The following RNGTT variants were observed in gnomAD, a reference collection of about 807,000 sequenced individuals.
RNGTT encodes the protein RNA guanylyltransferase and 5'-phosphatase.
A neutral mutation model predicts 79.3 loss-of-function variants in RNGTT; 33 were observed. That is an observed-to-expected ratio of 0.42 (90% confidence interval 0.32 to 0.56). The LOEUF (loss-of-function observed/expected upper bound fraction) is 0.56. Among genes scored for constraint, RNGTT ranks in the 20% least tolerant of loss-of-function variants. The pLI is 0.17. For missense variants in RNGTT, 497 were observed against 739.1 expected, an observed-to-expected ratio of 0.67 and a Z score of 3.80; for synonymous variants, 222 against 235.9, an observed-to-expected ratio of 0.94 and a Z score of 0.54.
intron 14 of RNGTT, among the ~76,000 whole-genome samples, chr6:88,660,371 A>T (rs536406520): frequency 6.6e-6 from 1 of 152,312 alleles, no homozygotes; most frequent in South Asian, 2.1e-4. Context: ...CAGAATGGAT[A>T]AAAATCCACC....
intron 13 of RNGTT, among the ~76,000 whole-genome samples, chr6:88,688,296 G>A (rs1775351822): frequency 6.6e-6 from 1 of 152,206 alleles, no homozygotes; most frequent in Non-Finnish European, 1.5e-5. Context: ...ACATTTTGAT[G>A]TTGGATAAGG....
chr6:88,641,014 T>A (rs1773293745), intron 14 of RNGTT, among the ~76,000 whole-genome samples: 1 of 152,128 alleles, frequency 6.6e-6, no homozygotes, highest in Non-Finnish European at 1.5e-5. Flanking sequence ...TCCAGTTGGA[T>A]AAAAAGCTCC....
chr6:88,767,392 A>C (rs1293925773), intron 13 of RNGTT, among the ~76,000 whole-genome samples: 1 of 152,170 alleles, frequency 6.6e-6, no homozygotes, highest in East Asian at 1.9e-4. Flanking sequence ...TGCTATGTTT[A>C]ATTACAATAG....
At chr6:88,882,603 G>A (rs1241589286) in intron 8 of RNGTT, among the ~76,000 whole-genome samples, 3 of 152,150 alleles carry the variant, frequency 2.0e-5, no homozygotes, top group South Asian at 2.1e-4. Context: ...CAAGTGCTAC[G>A]GTTTGAAAAT....
chr6:88,855,339 CAT>C (rs915436002), intron 8 of RNGTT, among the ~76,000 whole-genome samples: 29 of 151,986 alleles, frequency 1.9e-4, no homozygotes, highest in African/African-American at 7.0e-4. Context: ...GCAAAGTACA[CAT>C]GTTTAGGATA....
chr6:88,846,097 C>G (rs1434599849), intron 10 of RNGTT, among the ~76,000 whole-genome samples: 1 of 152,030 alleles, frequency 6.6e-6, no homozygotes, highest in African/African-American at 2.4e-5. Context: ...CACCAAACTT[C>G]AAGAATAGAC....
intron 12 of RNGTT, among the ~76,000 whole-genome samples, chr6:88,773,712 G>GAGGGAAA (rs1440699344): frequency 6.6e-6 from 1 of 152,092 alleles, no homozygotes; most frequent in Non-Finnish European, 1.5e-5. Context: ...CCCATTCAAT[G>GAGGGAAA]AGGGAAAGAA....
intron 8 of RNGTT, among the ~76,000 whole-genome samples, chr6:88,888,237 A>G (rs772918242): frequency 2.0e-5 from 3 of 152,156 alleles, no homozygotes; most frequent in Non-Finnish European, 4.4e-5. Flanking sequence ...TTCGTAGTGT[A>G]AAGCCTAGAG....
chr6:88,846,521 G>A (rs1781488436), intron 10 of RNGTT, among the ~76,000 whole-genome samples: 1 of 152,114 alleles, frequency 6.6e-6, no homozygotes, highest in Non-Finnish European at 1.5e-5. Context: ...GCTAAAGCGG[G>A]CAGATTGCTT....
At position 88,763,080 on chromosome 6, in the gene RNGTT, T is replaced by G. The variant is rs967100066; in HGVS notation, c.1439+6694A>C. Among the ~76,000 whole-genome samples the G allele has an allele frequency of 2.8e-5, 4 of 143,986 alleles. No individual in the cohort carries two copies. The South Asian group carries it at 9.1e-4, about 33-fold the overall frequency. 94.5% of individuals were successfully genotyped at this position (143,986 alleles called of 152,430 possible). A position where few individuals can be genotyped will look rare whatever the true frequency, so the allele number is the denominator to read the frequency against. ...CTGGGACTACAGGCATGTGCCATCA[T>G]GGCCAGCTTTTTTTTTTTTTTTTTT... On this transcript the variant is annotated intron_variant, in intron 13 of 15. Coordinates refer to ENST00000369485, the MANE Select transcript of RNGTT (RefSeq NM_003800.5).
In RNGTT at chr6:88,821,863, G is replaced by A. The variant is rs1323496193; in HGVS notation, c.1270-20231C>T. On this transcript the variant is annotated intron_variant, in intron 11 of 15. Coordinates refer to ENST00000369485, the MANE Select transcript of RNGTT (RefSeq NM_003800.5). ...AACATTCACAGAAATGTTTATAACT[G>A]ATGATATATTAGGCCACTAAAAAAA... Among the ~76,000 whole-genome samples, 10 of 150,404 alleles carry A rather than the reference G, an allele frequency of 6.6e-5. No individual in the cohort carries two copies. In the South Asian group the frequency reaches 1.0e-3, roughly 16 times the overall value.
intron 10 of RNGTT, among the ~76,000 whole-genome samples, chr6:88,848,787 A>G (rs1450134705): frequency 2.0e-5 from 3 of 152,176 alleles, no homozygotes; most frequent in East Asian, 3.9e-4. Context: ...GGTGTAACTA[A>G]GAAACTTCTA....
At chr6:88,734,297 C>T (rs888383933) in intron 13 of RNGTT, among the ~76,000 whole-genome samples, 4 of 150,604 alleles carry the variant, frequency 2.7e-5, no homozygotes, top group Non-Finnish European at 5.9e-5. Flanking sequence ...CCTAGGACAA[C>T]CACTTAAAAA....
intron 12 of RNGTT, among the ~76,000 whole-genome samples, chr6:88,772,910 G>T (rs1778739578): frequency 1.3e-5 from 2 of 152,162 alleles, no homozygotes; most frequent in African/African-American, 4.8e-5. Context: ...AAGTCAGTGT[G>T]GTGATTCTTC....
chr6:88,696,656 T>C (rs1428360199), intron 13 of RNGTT, among the ~76,000 whole-genome samples: 2 of 151,060 alleles, frequency 1.3e-5, no homozygotes, highest in Non-Finnish European at 2.9e-5. Flanking sequence ...GTGCATTTGT[T>C]AAAAGGTTAA....
rs1286346701 is a variant in RNGTT, at chr6:88,801,729, TAA to T, written c.1270-99_1270-98del. 7 of 739,822 alleles carry T rather than the reference TAA, an allele frequency of 9.5e-6. No homozygotes were observed. In the Admixed American group the frequency reaches 1.2e-4, roughly 13 times the overall value. 45.8% of individuals were successfully genotyped at this position (739,822 alleles called of 1,614,324 possible). A position where few individuals can be genotyped will look rare whatever the true frequency, so the allele number is the denominator to read the frequency against. On this transcript the variant is annotated intron_variant, in intron 11 of 15. Transcript: ENST00000369485. ...AGCTTTATAAAAACTTCTTAATATA[TAA>T]GTTATAAGAACTGAAATACAAAATA...
At chr6:88,825,878 C>T (rs945191517) in intron 11 of RNGTT, among the ~76,000 whole-genome samples, 8 of 152,176 alleles carry the variant, frequency 5.3e-5, no homozygotes, top group Admixed American at 3.9e-4. Flanking sequence ...ACTCTGCACC[C>T]GTGTCCAACA....
At chr6:88,906,026 G>A (rs553910629) in intron 5 of RNGTT, among the ~76,000 whole-genome samples, 2 of 152,126 alleles carry the variant, frequency 1.3e-5, no homozygotes, top group African/African-American at 4.8e-5. Context: ...ACATACTTGT[G>A]GTCCCAGCTA....
intron 14 of RNGTT, among the ~76,000 whole-genome samples, chr6:88,673,582 C>T (rs1015857580): frequency 6.6e-6 from 1 of 152,126 alleles, no homozygotes; most frequent in African/African-American, 2.4e-5. Flanking sequence ...AGAAACCTTT[C>T]CCACAACAAC....
Sources: allele counts gnomAD v4.1 joint callset (sites outside exome capture counted in the v4.1 genomes callset), GRCh38; gene constraint gnomAD v4.1.1; transcripts MANE v1.5; gene names NCBI Gene and HGNC (gene_info 2026-07-23, HGNC 2026-07-21).